CASP5: variants seen among roughly 807,000 people sequenced by gnomAD.
The protein encoded by CASP5 is caspase 5, also known as caspase-5.
Under a neutral mutation model 45.2 loss-of-function variants are expected in CASP5, and 42 were observed. The ratio of observed to expected loss-of-function variants is 0.93; its 90% CI spans 0.73 to 1.20. CASP5 has a LOEUF of 1.20. CASP5 is among the 50% of genes most tolerant of loss of function. CASP5 has a pLI of 0.00. For synonymous variants in CASP5, 209 were observed against 186.2 expected, an observed-to-expected ratio of 1.12 and a Z score of -1.00; for missense variants, 512 against 532.2, an observed-to-expected ratio of 0.96 and a Z score of 0.37.
intron 1 of CASP5, among the ~76,000 whole-genome samples, chr11:105,018,099 C>A (rs2134758350): frequency 6.6e-6 from 1 of 151,140 alleles, no homozygotes; most frequent in East Asian, 2.0e-4. Context: ...TACAGACAAG[C>A]AAATGCTGAG....
At chr11:105,016,551 G>C (rs923753859) in intron 1 of CASP5, among the ~76,000 whole-genome samples, 1 of 152,194 alleles carries the variant, frequency 6.6e-6, no homozygotes, top group Admixed American at 6.5e-5. Context: ...GGTGACACAC[G>C]GCACCTGGAA....
chr11:104,998,611 G>A (rs141584598), intron 7 of CASP5, among the ~76,000 whole-genome samples: 17 of 152,248 alleles, frequency 1.1e-4, no homozygotes, highest in South Asian at 2.1e-4. Flanking sequence ...GGTGTGTGGC[G>A]AATGGGGTTC....
intron 1 of CASP5, among the ~76,000 whole-genome samples, chr11:105,009,563 A>G (rs1287087514): frequency 2.0e-5 from 3 of 151,150 alleles, no homozygotes; most frequent in Non-Finnish European, 4.4e-5. Flanking sequence ...AAGTGGATAA[A>G]TGCATCTAGA....
In CASP5 at chr11:105,009,756, T is replaced by TATAC. The variant is rs1423363781; in HGVS notation, c.8-780_8-777dup. Among the ~76,000 whole-genome samples, 5 of 93,250 alleles carry TATAC rather than the reference T, an allele frequency of 5.4e-5. No individual in the cohort carries two copies. The Admixed American group carries it at 5.6e-4, about 10-fold the overall frequency. The allele number at this position is 93,250 out of a possible 152,430, so 61.2% of individuals were successfully genotyped here. A position where few individuals can be genotyped will look rare whatever the true frequency, so the allele number is the denominator to read the frequency against. On this transcript the variant is annotated intron_variant, in intron 1 of 9. Coordinates refer to ENST00000260315, the MANE Select transcript of CASP5 (RefSeq NM_004347.5). ...ATATATATATATATATATATATATATATACACACACACACGTATATATATA... is the reference window on the plus strand; with the variant it reads ...ATATATATATATATATATATATATATATACATACACACACACACGTATATATATA...
intron 8 of CASP5, among the ~76,000 whole-genome samples, chr11:104,996,918 A>G (rs1021170413): frequency 5.9e-5 from 9 of 152,018 alleles, no homozygotes; most frequent in African/African-American, 2.2e-4. Context: ...ACATGCCTTT[A>G]TGAATTCTAC....
At chr11:105,006,834 T>TA (rs1010649555) in intron 3 of CASP5, among the ~76,000 whole-genome samples, 7 of 152,178 alleles carry the variant, frequency 4.6e-5, no homozygotes, top group Non-Finnish European at 1.0e-4. Context: ...TATCTCCTAC[T>TA]AAAAAATCTC....
intron 3 of CASP5, among the ~76,000 whole-genome samples, chr11:105,005,830 T>G (rs1040910872): frequency 3.9e-5 from 6 of 152,234 alleles, no homozygotes; most frequent in African/African-American, 1.4e-4. Context: ...CCGATATTTT[T>G]TCCTCATGCC....
intron 1 of CASP5, among the ~76,000 whole-genome samples, chr11:105,015,056 T>C (rs1862521023): frequency 1.3e-5 from 2 of 152,170 alleles, no homozygotes; most frequent in African/African-American, 4.8e-5. Context: ...AGCTGGGCTT[T>C]AGAAAGTATT....
chr11:105,004,399 C>T (rs1431145573), intron 3 of CASP5, among the ~76,000 whole-genome samples: 2 of 151,690 alleles, frequency 1.3e-5, no homozygotes, highest in African/African-American at 2.4e-5. Context: ...CTCTTTTGAC[C>T]GATATTGTGC....
At position 104,995,849 on chromosome 11, in the gene CASP5, G is replaced by GA. The variant is rs1199021659; in HGVS notation, c.1207-8dup. ...CTTCAAATGATTTCTGTACCTAAAAGAAAAAACAGTAGATGAGATATGAGG... is the reference window on the plus strand; with the variant it reads ...CTTCAAATGATTTCTGTACCTAAAAGAAAAAAACAGTAGATGAGATATGAGG... On this transcript the variant is annotated splice_polypyrimidine_tract_variant and splice_region_variant and intron_variant, in intron 8 of 9. Coordinates refer to ENST00000260315, the MANE Select transcript of CASP5 (RefSeq NM_004347.5). 29 of 1,584,158 alleles carry GA rather than the reference G, an allele frequency of 1.8e-5. No homozygotes were observed. The highest frequency in any genetic ancestry group is 3.3e-4 in the Middle Eastern group (2 of 5,998).
chr11:105,008,875 T>A lies in CASP5; in HGVS notation c.113A>T (p.Asn38Ile). 6.2e-7 allele frequency: 1 copy of A among 1,613,258 alleles called. No homozygotes were observed. Among genetic ancestry groups the A allele is most frequent in the Non-Finnish European group, 8.5e-7 (1 of 1,179,390 alleles). Residue 38 changes from asparagine (N) to isoleucine (I), a missense_variant, in exon 2 of 10, where the codon AAC becomes ATC. By Grantham distance (149) the Asn-to-Ile change is moderately radical. Coordinates refer to ENST00000260315, the MANE Select transcript of CASP5 (RefSeq NM_004347.5). ...NFVINHMLKN[N>I]VAGQTSIQTL... is the part of the protein sequence containing the mutation. ...CTGGATAGATGTTTGTCCAGCCACGTTGTTCTTTAGCATGTGGTTTATCAC... is the reference window on the plus strand; with the variant it reads ...CTGGATAGATGTTTGTCCAGCCACGATGTTCTTTAGCATGTGGTTTATCAC...
In CASP5 at chr11:105,009,056, G is replaced by C. The variant is rs764954861; in HGVS notation, c.8-76C>G. The C allele has an allele frequency of 1.5e-5, 20 of 1,326,938 alleles. No homozygotes were observed. In the Admixed American group the frequency reaches 3.9e-4, roughly 26 times the overall value. 82.2% of individuals were successfully genotyped at this position (1,326,938 alleles called of 1,614,324 possible). A position where few individuals can be genotyped will look rare whatever the true frequency, so the allele number is the denominator to read the frequency against. On this transcript the variant is annotated intron_variant, in intron 1 of 9. Coordinates refer to ENST00000260315, the MANE Select transcript of CASP5 (RefSeq NM_004347.5). The stretch of plus-strand genomic sequence containing the variant: ...TTGCCCTTGCTTTAGACAAAGCTCT[G>C]TAATGTGAAACACCCTTGAAAATAC...
chr11:105,009,810 C>CACACATATATATATACACATATATATAT (rs1197714665), intron 1 of CASP5, among the ~76,000 whole-genome samples: 1 of 98,436 alleles, frequency 1.0e-5, no homozygotes. Flanking sequence ...TATATATACA[C>CACACATATATATATACACATATATATAT]ACACATATAT....
At chr11:105,004,222 T>C (rs533682196) in intron 3 of CASP5, among the ~76,000 whole-genome samples, 2 of 152,254 alleles carry the variant, frequency 1.3e-5, no homozygotes, top group South Asian at 4.1e-4. Context: ...AAGGGACAAA[T>C]ATTTGTATGA....
In CASP5 at chr11:105,006,588, A is replaced by G. The variant is rs541836917; in HGVS notation, c.433+495T>C. Among the ~76,000 whole-genome samples the G allele has an allele frequency of 2.6e-5, 4 of 152,330 alleles. No individual in the cohort carries two copies. The South Asian group carries it at 8.3e-4, about 32-fold the overall frequency. On this transcript the variant is annotated intron_variant, in intron 3 of 9. Transcript: ENST00000260315. ...AATTGTTTTATATGCCGCTAGAGCT[A>G]AATGAGTCTGGAGCTCAGATGAGAG...
At chr11:105,020,439 G>C (rs1862888991) in intron 1 of CASP5, among the ~76,000 whole-genome samples, 1 of 149,822 alleles carries the variant, frequency 6.7e-6, no homozygotes, top group South Asian at 2.2e-4. Flanking sequence ...TCCTTAAGCT[G>C]ATAAGCAACT....
rs746533800 is a variant in CASP5, at chr11:105,023,162, C to G, written c.-26G>C. 16 of 1,550,398 alleles carry G rather than the reference C, an allele frequency of 1.0e-5. No individual in the cohort carries two copies. Among genetic ancestry groups the G allele is most frequent in the Non-Finnish European group, 8.7e-7 (1 of 1,145,932 alleles). Reference sequence around the variant, plus strand: ...AGCTAACAGCCTCTGTCTCTTTGTACAGCACTGGAAAGTGCCTCAGACTCA... The same window carrying G: ...AGCTAACAGCCTCTGTCTCTTTGTAGAGCACTGGAAAGTGCCTCAGACTCA... On this transcript the variant is annotated 5_prime_UTR_variant, in exon 1 of 10. Transcript: ENST00000260315.
At chr11:105,003,147 C>T (rs1037562439) in intron 4 of CASP5, 127 bp downstream of exon 4, 10 of 673,790 alleles carry the variant, frequency 1.5e-5, no homozygotes, top group Admixed American at 5.4e-5. Flanking sequence ...TAGCAGTCAG[C>T]TATGATCACA....
intron 4 of CASP5, among the ~76,000 whole-genome samples, chr11:105,002,961 G>A (rs139014786): frequency 6.6e-6 from 1 of 152,182 alleles, no homozygotes; most frequent in African/African-American, 2.4e-5. Context: ...GCTTTGGGAG[G>A]CCAAGGCTGT....
Sources: allele counts gnomAD v4.1 joint callset (sites outside exome capture counted in the v4.1 genomes callset), GRCh38; gene constraint gnomAD v4.1.1; transcripts MANE v1.5; gene names NCBI Gene and HGNC (gene_info 2026-07-23, HGNC 2026-07-21).